The following TYK2 variants were observed in gnomAD, a reference collection of about 807,000 sequenced individuals.
TYK2 encodes non-receptor tyrosine-protein kinase TYK2.
TYK2 carries 65 observed loss-of-function variants against 130.9 expected under a neutral mutation model. The observed-to-expected ratio is 0.50, with a 90% CI of 0.41 to 0.61. TYK2 has a LOEUF of 0.61. Ranked by LOEUF, TYK2 falls within the 20% of genes least tolerant of loss-of-function variation. The probability of loss-of-function intolerance (pLI) is 0.00; values close to 1 mark genes in which losing one functional copy is unlikely to be tolerated. For missense variants in TYK2, 1,378 were observed against 1,610.7 expected, an observed-to-expected ratio of 0.86 and a Z score of 2.47; for synonymous variants, 647 against 658.9, an observed-to-expected ratio of 0.98 and a Z score of 0.28.
At position 10,361,449 on chromosome 19, in the gene TYK2, G is replaced by A; in HGVS notation, c.2047+62C>T. The A allele has an allele frequency of 7.6e-7, 1 of 1,317,072 alleles. No homozygotes were observed. The allele number at this position is 1,317,072 out of a possible 1,614,324, so 81.6% of individuals were successfully genotyped here. A position where few individuals can be genotyped will look rare whatever the true frequency, so the allele number is the denominator to read the frequency against. On this transcript the variant is annotated intron_variant, in intron 14 of 24. Transcript: ENST00000525621. The surrounding 1 kb of genome is among the most constrained non-coding windows in gnomAD (Gnocchi z 4.0). Reference sequence around the variant, plus strand: ...GGTCGAGGGTTGGGGTACAGATCAGGGAGTGGGTATAAGTCAGGGGTGGCC... The same window carrying A: ...GGTCGAGGGTTGGGGTACAGATCAGAGAGTGGGTATAAGTCAGGGGTGGCC...
intron 3 of TYK2, among the ~76,000 whole-genome samples, chr19:10,369,278 A>G (rs958513432): frequency 3.3e-5 from 5 of 151,960 alleles, no homozygotes; most frequent in African/African-American, 1.2e-4. Flanking sequence ...CCCCCTGGAC[A>G]TCACAGGCCC....
In TYK2 at chr19:10,374,026, G is replaced by A. The variant is rs142876162; in HGVS notation, c.193+4188C>T. On this transcript the variant is annotated intron_variant, in intron 3 of 24. Coordinates refer to ENST00000525621, the MANE Select transcript of TYK2 (RefSeq NM_003331.5). ...TCACACCTGTAATCCCAGCACTTTG[G>A]GAGGCTGAGGTGGGCGGATCACGAG... is the stretch of plus-strand genomic sequence containing the variant. 6.4e-3 allele frequency among the ~76,000 whole-genome samples: 980 copies of A among 151,982 alleles called. 6 individuals carry two copies. Among genetic ancestry groups the A allele is most frequent in the South Asian group, 0.024 (115 of 4,800 alleles).
Position 10,353,383 on chromosome 19 carries a change from C to T in TYK2, c.3027+145G>A. The T allele has an allele frequency of 1.6e-6, 1 of 633,684 alleles. No homozygotes were observed. Among genetic ancestry groups the T allele is most frequent in the South Asian group, 2.9e-5 (1 of 34,850 alleles). 39.3% of individuals were successfully genotyped at this position (633,684 alleles called of 1,614,324 possible). A position where few individuals can be genotyped will look rare whatever the true frequency, so the allele number is the denominator to read the frequency against. On this transcript the variant is annotated intron_variant, in intron 21 of 24. Coordinates refer to ENST00000525621, the MANE Select transcript of TYK2 (RefSeq NM_003331.5). The surrounding 1 kb of genome is among the most constrained non-coding windows in gnomAD (Gnocchi z 6.9). ...AGGGGGTGTGGCCAAGCAAGCCAAACAGTTCGGAGGTCAGTGCAAGGACAA... is the reference window on the plus strand; with the variant it reads ...AGGGGGTGTGGCCAAGCAAGCCAAATAGTTCGGAGGTCAGTGCAAGGACAA...
chr19:10,368,813 C>CT (rs112143197), intron 3 of TYK2: 5,002 of 194,102 alleles, frequency 0.026, no homozygotes, highest in South Asian at 0.065. Context: ...TTAAGTAAAA[C>CT]TTTTTTTTTT....
At chr19:10,352,897 C>T in intron 22 of TYK2, 29 bp downstream of exon 22, 1 of 1,573,150 alleles carries the variant, frequency 6.4e-7, no homozygotes, top group Non-Finnish European at 8.6e-7. Context: ...GACCCCAGCA[C>T]CCCCTCAGAC....
At chr19:10,367,836 C>T (rs766980340) in intron 5 of TYK2, among the ~76,000 whole-genome samples, 14 of 151,362 alleles carry the variant, frequency 9.2e-5, no homozygotes, top group South Asian at 4.2e-4. Context: ...AGGAAAATGA[C>T]GGGAACCTGG....
At position 10,353,136 on chromosome 19, in the gene TYK2, G is replaced by A. The variant is rs749917079; in HGVS notation, c.3028-38C>T. On this transcript the variant is annotated intron_variant, in intron 21 of 24. Coordinates refer to ENST00000525621, the MANE Select transcript of TYK2 (RefSeq NM_003331.5). This position sits in a 1 kb window ranked among gnomAD's most constrained non-coding sequence, Gnocchi z 6.9. ...CAGGGCTCGTGAGTTTCAGTGGGGCGGGGTTCGGCCGGGGGCGGCGGCAGG... is the reference window on the plus strand; with the variant it reads ...CAGGGCTCGTGAGTTTCAGTGGGGCAGGGTTCGGCCGGGGGCGGCGGCAGG... The A allele has an allele frequency of 2.0e-6, 3 of 1,465,640 alleles. No individual in the cohort carries two copies. Among genetic ancestry groups the A allele is most frequent in the East Asian group, 4.9e-5 (2 of 40,788 alleles). 90.8% of individuals were successfully genotyped at this position (1,465,640 alleles called of 1,614,324 possible).
At position 10,354,780 on chromosome 19, in the gene TYK2, T is replaced by A. The variant is rs528981595; in HGVS notation, c.2618-171A>T. On this transcript the variant is annotated intron_variant, in intron 18 of 24. Coordinates refer to ENST00000525621, the MANE Select transcript of TYK2 (RefSeq NM_003331.5). ...ACTTATTGTACAAAATGATGCAGAG[T>A]TGGCTGCATCAAAACTGACACCTGT... Among the ~76,000 whole-genome samples the A allele has an allele frequency of 8.9e-4, 136 of 152,068 alleles. 5 individuals carry two copies. In the South Asian group the frequency reaches 0.027, roughly 30 times the overall value.
At chr19:10,360,381 C>T (rs1357130963) in intron 14 of TYK2, among the ~76,000 whole-genome samples, 1 of 152,066 alleles carries the variant, frequency 6.6e-6, no homozygotes, top group East Asian at 1.9e-4. Flanking sequence ...CCTGTCATCC[C>T]AGGTGCTCAA....
chr19:10,372,713 ACTC>A (rs2041970634), intron 3 of TYK2, among the ~76,000 whole-genome samples: 1 of 147,032 alleles, frequency 6.8e-6, no homozygotes, highest in Non-Finnish European at 1.5e-5. Flanking sequence ...CTGATCTTGA[ACTC>A]CTGGGCTCAA....
chr19:10,361,358 G>T lies in TYK2; in HGVS notation c.2047+153C>A. On this transcript the variant is annotated intron_variant, in intron 14 of 24. Coordinates refer to ENST00000525621, the MANE Select transcript of TYK2 (RefSeq NM_003331.5). The surrounding 1 kb of genome is among the most constrained non-coding windows in gnomAD (Gnocchi z 4.0). ...GTTAGGGGTTGGGGTCTAGGTTGAA[G>T]GTCAAGGTGTAGCCCGGGATCAGAG... The T allele has an allele frequency of 1.3e-6, 1 of 770,924 alleles. No individual in the cohort carries two copies. Among genetic ancestry groups the T allele is most frequent in the Non-Finnish European group, 2.2e-6 (1 of 460,294 alleles). 47.8% of individuals were successfully genotyped at this position (770,924 alleles called of 1,614,324 possible). A position where few individuals can be genotyped will look rare whatever the true frequency, so the allele number is the denominator to read the frequency against.
intron 17 of TYK2, chr19:10,357,442 C>T: frequency 1.4e-6 from 1 of 693,486 alleles, no homozygotes; most frequent in South Asian, 1.5e-5. Flanking sequence ...TGTCTGACCC[C>T]ACTGCTGGGT....
At chr19:10,360,529 G>C (rs1599341290) in intron 14 of TYK2, among the ~76,000 whole-genome samples, 1 of 152,106 alleles carries the variant, frequency 6.6e-6, no homozygotes, top group African/African-American at 2.4e-5. Flanking sequence ...AGCCTACAAA[G>C]TAAGCAACTA....
In TYK2 at chr19:10,354,250, C is replaced by A; in HGVS notation, c.2716-16G>T. ...CGAAGTGACCCTGGTCGGGAGCGCA[C>A]GAGGGTCAGCTCCACCTCCCCAATC... On this transcript the variant is annotated splice_polypyrimidine_tract_variant and intron_variant, in intron 19 of 24. Transcript: ENST00000525621. 6.2e-7 allele frequency: 1 copy of A among 1,609,030 alleles called. No homozygotes were observed. The highest frequency in any genetic ancestry group is 8.5e-7 in the Non-Finnish European group (1 of 1,179,922).
intron 4 of TYK2, 22 bp downstream of exon 4, chr19:10,368,273 C>A: frequency 6.2e-7 from 1 of 1,614,168 alleles, no homozygotes; most frequent in Non-Finnish European, 8.5e-7. Context: ...AGGGGACGAG[C>A]TTTGCAAAGG....
At chr19:10,363,489 T>A (rs914321058) in intron 9 of TYK2, among the ~76,000 whole-genome samples, 7 of 152,008 alleles carry the variant, frequency 4.6e-5, no homozygotes, top group Non-Finnish European at 1.0e-4. Context: ...CTACTCCTAC[T>A]CTTGTACTTG....
chr19:10,364,068 C>T lies in TYK2; in HGVS notation c.1367+546G>A, dbSNP rs974693418. On this transcript the variant is annotated intron_variant, in intron 9 of 24. Transcript: ENST00000525621. The surrounding 1 kb of genome is among the most constrained non-coding windows in gnomAD (Gnocchi z 4.9). ...GGCCCACAAGTCACACACAGGACCC[C>T]GCTGAGATGGTGACTCACAAGTTAC... Among the ~76,000 whole-genome samples the T allele has an allele frequency of 2.0e-5, 3 of 152,228 alleles. No individual in the cohort carries two copies. Among genetic ancestry groups the T allele is most frequent in the Non-Finnish European group, 2.9e-5 (2 of 68,044 alleles).
rs763236838 is a variant in TYK2, at chr19:10,368,432, G to A, written c.194-14C>T. The stretch of plus-strand genomic sequence containing the variant: ...GAGGAGTGATACCTGGATCAGGTGA[G>A]AAACGAGGTCAGGAGTCACGTCATT... On this transcript the variant is annotated splice_polypyrimidine_tract_variant and intron_variant, in intron 3 of 24. Transcript: ENST00000525621. 4 of 1,614,038 alleles carry A rather than the reference G, an allele frequency of 2.5e-6. No homozygotes were observed. The East Asian group carries it at 6.7e-5, about 27-fold the overall frequency.
rs1599355447 is a variant in TYK2, at chr19:10,368,045, C to G, written c.465+10G>C. The stretch of plus-strand genomic sequence containing the variant: ...CACAAATAGTCTTGCCACCCCAGCC[C>G]TGCTCATACCTGCTCAAAGAGGTAC... On this transcript the variant is annotated intron_variant, in intron 5 of 24. Coordinates refer to ENST00000525621, the MANE Select transcript of TYK2 (RefSeq NM_003331.5). 1 of 1,614,120 alleles carries G rather than the reference C, an allele frequency of 6.2e-7. No individual in the cohort carries two copies. The highest frequency in any genetic ancestry group is 8.5e-7 in the Non-Finnish European group (1 of 1,180,030).
Sources: allele counts gnomAD v4.1 joint callset (sites outside exome capture counted in the v4.1 genomes callset), GRCh38; gene constraint gnomAD v4.1.1; non-coding constraint Gnocchi (gnomAD v3.1); transcripts MANE v1.5; gene names NCBI Gene and HGNC (gene_info 2026-07-23, HGNC 2026-07-21).